Variants in TENM4 observed in about 807,000 individuals in gnomAD.
TENM4 encodes teneurin transmembrane protein 4, also known as teneurin-4.
TENM4 carries 82 observed loss-of-function variants against 243.3 expected under a neutral mutation model. That is an observed-to-expected ratio of 0.34 (90% CI 0.28 to 0.40). TENM4 has a LOEUF of 0.40. TENM4 is among the 10% of genes least tolerant of loss of function. The probability of loss-of-function intolerance (pLI) is 1.00; values close to 1 mark genes in which losing one functional copy is unlikely to be tolerated. For synonymous variants in TENM4, 1,412 were observed against 1,456.3 expected, an observed-to-expected ratio of 0.97 and a Z score of 0.69; for missense variants, 3,138 against 3,673.3, an observed-to-expected ratio of 0.85 and a Z score of 3.77.
At chr11:79,079,017 C>A (rs568324446) in intron 4 of TENM4, among the ~76,000 whole-genome samples, 1 of 152,288 alleles carries the variant, frequency 6.6e-6, no homozygotes, top group East Asian at 1.9e-4. Context: ...ATTATTAATT[C>A]TTCTGTTGAA....
chr11:79,282,063 A>G (rs1228956343), intron 2 of TENM4, among the ~76,000 whole-genome samples: 4 of 152,230 alleles, frequency 2.6e-5, no homozygotes, highest in African/African-American at 9.6e-5. Context: ...GAACATGTAA[A>G]GATGCTGAAT....
intron 1 of TENM4, among the ~76,000 whole-genome samples, chr11:79,413,444 T>C (rs1858745180): frequency 6.6e-6 from 1 of 152,160 alleles, no homozygotes; most frequent in South Asian, 2.1e-4. Flanking sequence ...GCACGCTCCA[T>C]CCTGACACAG....
At chr11:79,006,575 A>G (rs1184755890) in intron 6 of TENM4, among the ~76,000 whole-genome samples, 2 of 152,132 alleles carry the variant, frequency 1.3e-5, no homozygotes, top group African/African-American at 4.8e-5. Flanking sequence ...CACACTAGAT[A>G]ACTGAGGCTC....
chr11:79,324,276 C>A (rs1255003792), intron 1 of TENM4, among the ~76,000 whole-genome samples: 3 of 152,018 alleles, frequency 2.0e-5, no homozygotes, highest in African/African-American at 7.3e-5. Context: ...GGCTGGAGTG[C>A]AGTGGTGAGA....
At position 79,396,928 on chromosome 11, in the gene TENM4, G is replaced by A. The variant is rs549179640; in HGVS notation, c.-321+43581C>T. 2.0e-5 allele frequency among the ~76,000 whole-genome samples: 3 copies of A among 152,318 alleles called. No homozygotes were observed. In the South Asian group the frequency reaches 6.2e-4, roughly 32 times the overall value. On this transcript the variant is annotated intron_variant, in intron 1 of 33. Coordinates refer to ENST00000278550, the MANE Select transcript of TENM4 (RefSeq NM_001098816.3). Reference sequence around the variant, plus strand: ...GCCAAGGCAAAGGTTGAGGGAGCCTGGGCTGCTGTCATTGATACAAGGGAC... The same window carrying A: ...GCCAAGGCAAAGGTTGAGGGAGCCTAGGCTGCTGTCATTGATACAAGGGAC...
At chr11:79,217,760 T>A (rs999067104) in intron 2 of TENM4, among the ~76,000 whole-genome samples, 1 of 151,908 alleles carries the variant, frequency 6.6e-6, no homozygotes, top group Non-Finnish European at 1.5e-5. Context: ...TTTGCTCTTG[T>A]GGCCCAGGCT....
At chr11:79,201,880 G>A (rs1287969489) in intron 3 of TENM4, among the ~76,000 whole-genome samples, 3 of 152,214 alleles carry the variant, frequency 2.0e-5, no homozygotes, top group Non-Finnish European at 4.4e-5. Context: ...GCTAGAGGCA[G>A]AGAGGCAGGG....
intron 9 of TENM4, among the ~76,000 whole-genome samples, chr11:78,882,341 TA>T (rs1212709940): frequency 2.0e-5 from 3 of 152,214 alleles, no homozygotes; most frequent in Non-Finnish European, 4.4e-5. Flanking sequence ...CCCCAGAACA[TA>T]AAATACACAG....
intron 4 of TENM4, among the ~76,000 whole-genome samples, chr11:79,098,692 C>T (rs1861147787): frequency 6.6e-6 from 1 of 152,200 alleles, no homozygotes; most frequent in African/African-American, 2.4e-5. Flanking sequence ...CCAGCTGTGC[C>T]ATACTGGGCA....
intron 6 of TENM4, among the ~76,000 whole-genome samples, chr11:78,980,886 C>T (rs1399537025): frequency 6.6e-6 from 1 of 152,082 alleles, no homozygotes; most frequent in African/African-American, 2.4e-5. Context: ...CCACAGAAAC[C>T]TTTGGAAAGA....
intron 2 of TENM4, among the ~76,000 whole-genome samples, chr11:79,251,344 C>A (rs1347004569): frequency 1.3e-5 from 2 of 152,144 alleles, no homozygotes; most frequent in Non-Finnish European, 2.9e-5. Flanking sequence ...AAATAAATAG[C>A]CTATGATGTA....
At chr11:78,675,547 G>A (rs1353031049) in intron 30 of TENM4, among the ~76,000 whole-genome samples, 1 of 152,190 alleles carries the variant, frequency 6.6e-6, no homozygotes, top group Non-Finnish European at 1.5e-5. Flanking sequence ...CACAGGATGT[G>A]AGGCAGACAA....
At chr11:79,290,910 T>C (rs1856344814) in intron 2 of TENM4, among the ~76,000 whole-genome samples, 1 of 152,184 alleles carries the variant, frequency 6.6e-6, no homozygotes, top group South Asian at 2.1e-4. Flanking sequence ...CCTGCTCATT[T>C]AGAGCTGTTT....
intron 1 of TENM4, among the ~76,000 whole-genome samples, chr11:79,321,127 T>G (rs1368628621): frequency 6.6e-6 from 1 of 152,202 alleles, no homozygotes; most frequent in Non-Finnish European, 1.5e-5. Flanking sequence ...ACAAGTCCCT[T>G]GGCCTCTCTG....
rs1217073626 is a variant in TENM4 at position 78,671,684 on chromosome 11, G to T, written c.5793+349C>A. Among the ~76,000 whole-genome samples, 4 of 152,172 alleles carry T rather than the reference G, an allele frequency of 2.6e-5. 1 individual carries two copies. The highest frequency in any genetic ancestry group is 5.9e-5 in the Non-Finnish European group (4 of 68,018). The stretch of plus-strand genomic sequence containing the variant: ...TGTACTGATGCCTAGGCTTCTGCCT[G>T]GTTCTCCACAACTGGATTGTACCAC... On this transcript the variant is annotated intron_variant, in intron 31 of 33. Transcript: ENST00000278550.
chr11:78,902,255 A>C (rs1045048830), intron 7 of TENM4, among the ~76,000 whole-genome samples: 31 of 152,120 alleles, frequency 2.0e-4, no homozygotes, highest in African/African-American at 7.5e-4. Context: ...GGTAAATCTT[A>C]ATTTTTGTCT....
At chr11:78,857,580 T>G (rs1373776347) in intron 10 of TENM4, among the ~76,000 whole-genome samples, 1 of 152,244 alleles carries the variant, frequency 6.6e-6, no homozygotes, top group Non-Finnish European at 1.5e-5. Flanking sequence ...AGCTTCAAAC[T>G]GTTAAATGTT....
intron 4 of TENM4, among the ~76,000 whole-genome samples, chr11:79,101,899 C>T (rs998342735): frequency 1.3e-5 from 2 of 152,214 alleles, no homozygotes; most frequent in Non-Finnish European, 2.9e-5. Flanking sequence ...CACTTGGCAG[C>T]TGTCTTCTAG....
Position 78,656,881 on chromosome 11 carries a change from T to A in TENM4, c.*1177A>T. 2.5e-6 allele frequency: 1 copy of A among 397,026 alleles called. No homozygotes were observed. Among genetic ancestry groups the A allele is most frequent in the Middle Eastern group, 6.3e-4 (1 of 1,586 alleles). 24.6% of individuals were successfully genotyped at this position (397,026 alleles called of 1,614,324 possible). On this transcript the variant is annotated 3_prime_UTR_variant, in exon 34 of 34. Transcript: ENST00000278550. Reference sequence around the variant, plus strand: ...GGCAGATGGGACTTTGGGAACTGGTTAGAAGGATGCTTAGCTTATGCCTTC... The same window carrying A: ...GGCAGATGGGACTTTGGGAACTGGTAAGAAGGATGCTTAGCTTATGCCTTC...
Sources: gnomAD v4.1 joint callset for allele counts (sites outside exome capture counted in the v4.1 genomes callset) on GRCh38, gnomAD v4.1.1 for gene constraint, MANE v1.5 for transcripts, NCBI Gene and HGNC (gene_info 2026-07-23, HGNC 2026-07-21) for gene names.